SLC25A21: variants seen among roughly 807,000 people sequenced by gnomAD.
SLC25A21 encodes the protein solute carrier family 25 member 21.
A neutral mutation model predicts 43.8 loss-of-function variants in SLC25A21; 47 were observed. That is an observed-to-expected ratio of 1.07 (90% CI 0.85 to 1.37). SLC25A21 has a LOEUF of 1.37. Among genes scored for constraint, SLC25A21 ranks in the 40% most tolerant of loss-of-function variants. The pLI, the probability that SLC25A21 is intolerant of heterozygous loss-of-function variation, is 0.00. For synonymous variants in SLC25A21, 131 were observed against 121.3 expected, an observed-to-expected ratio of 1.08 and a Z score of -0.52; for missense variants, 352 against 350.2, an observed-to-expected ratio of 1.00 and a Z score of -0.04.
chr14:37,105,178 T>C (rs963287485), intron 1 of SLC25A21, among the ~76,000 whole-genome samples: 3 of 152,184 alleles, frequency 2.0e-5, no homozygotes, highest in Admixed American at 2.0e-4. Context: ...TATAAACAAG[T>C]GTTTTTATCT....
rs577150838 is a variant in SLC25A21 at position 36,678,089 on chromosome 14, G to A, written c.*2569C>T. 1.6e-5 allele frequency: 3 copies of A among 184,726 alleles called. No homozygotes were observed. Among genetic ancestry groups the A allele is most frequent in the Non-Finnish European group, 3.4e-5 (3 of 89,076 alleles). 11.4% of individuals were successfully genotyped at this position (184,726 alleles called of 1,614,324 possible). ...CAATAACTAAAAGAGCACCTCACTGGATATGGATGTTGAAGATGGATTCCC... is the reference window on the plus strand; with the variant it reads ...CAATAACTAAAAGAGCACCTCACTGAATATGGATGTTGAAGATGGATTCCC... On this transcript the variant is annotated 3_prime_UTR_variant, in exon 10 of 10. Transcript: ENST00000331299.
chr14:36,895,977 G>C (rs1891227191), intron 1 of SLC25A21, among the ~76,000 whole-genome samples: 1 of 152,168 alleles, frequency 6.6e-6, no homozygotes, highest in African/African-American at 2.4e-5. Flanking sequence ...GTCAATTTTG[G>C]AATAGGTGTG....
Position 36,680,584 on chromosome 14 carries a change from G to C in SLC25A21, c.*74C>G, listed in dbSNP as rs540197690. ...TTCATAATTATACACCTGGCCGATC[G>C]ATAGTCTCTCTTCTTCATGGTGCTG... On this transcript the variant is annotated 3_prime_UTR_variant, in exon 10 of 10. Coordinates refer to ENST00000331299, the MANE Select transcript of SLC25A21 (RefSeq NM_030631.4). The C allele has an allele frequency of 1.3e-6, 2 of 1,530,106 alleles. No individual in the cohort carries two copies. The highest frequency in any genetic ancestry group is 8.8e-7 in the Non-Finnish European group (1 of 1,137,006). The allele number at this position is 1,530,106 out of a possible 1,614,324, so 94.8% of individuals were successfully genotyped here. A position where few individuals can be genotyped will look rare whatever the true frequency, so the allele number is the denominator to read the frequency against.
chr14:36,862,113 C>T (rs1594648498), intron 2 of SLC25A21, among the ~76,000 whole-genome samples: 1 of 152,258 alleles, frequency 6.6e-6, no homozygotes, highest in African/African-American at 2.4e-5. Flanking sequence ...GGAAACAACA[C>T]ATGCTGGAGA....
chr14:36,912,591 A>G (rs922585628), intron 1 of SLC25A21, among the ~76,000 whole-genome samples: 12 of 152,212 alleles, frequency 7.9e-5, no homozygotes, highest in Middle Eastern at 3.2e-3. Context: ...ATGTCAACTG[A>G]TAGAGTACAA....
At position 36,958,662 on chromosome 14, in the gene SLC25A21, TACACATAAGCACACGTGCACACACACAC is replaced by T. The variant is rs1182976812; in HGVS notation, c.71-83686_71-83659del. Among the ~76,000 whole-genome samples the T allele has an allele frequency of 1.1e-3, 164 of 147,608 alleles. 1 individual carries two copies. The highest frequency in any genetic ancestry group is 3.9e-3 in the African/African-American group (153 of 39,378). On this transcript the variant is annotated intron_variant, in intron 1 of 9. Transcript: ENST00000331299. ...GCTCACATACATGTGTGTAGAGATG[TACACATAAGCACACGTGCACACACACAC>T]ACACACACACACACACACACACACA...
At chr14:36,756,560 G>A (rs377007958) in intron 3 of SLC25A21, among the ~76,000 whole-genome samples, 3 of 152,178 alleles carry the variant, frequency 2.0e-5, no homozygotes, top group East Asian at 1.9e-4. Flanking sequence ...AAATTCGGGC[G>A]GTCTTTCTTG....
intron 1 of SLC25A21, among the ~76,000 whole-genome samples, chr14:37,132,483 A>G (rs1327712951): frequency 2.6e-5 from 4 of 152,208 alleles, no homozygotes; most frequent in Non-Finnish European, 5.9e-5. Context: ...ATAGACACAG[A>G]TGAGGTAAAA....
chr14:37,069,394 T>A (rs1962127853), intron 1 of SLC25A21, among the ~76,000 whole-genome samples: 1 of 152,212 alleles, frequency 6.6e-6, no homozygotes, highest in Non-Finnish European at 1.5e-5. Context: ...CTCATGATAT[T>A]TATGTCTCTA....
intron 1 of SLC25A21, among the ~76,000 whole-genome samples, chr14:37,031,161 A>G (rs999606396): frequency 2.6e-5 from 4 of 152,228 alleles, no homozygotes; most frequent in African/African-American, 9.6e-5. Context: ...GAAACTTTGT[A>G]TAGAGACAAG....
At chr14:36,814,386 C>T (rs1319018376) in intron 2 of SLC25A21, among the ~76,000 whole-genome samples, 1 of 113,376 alleles carries the variant, frequency 8.8e-6, no homozygotes, top group Non-Finnish European at 1.9e-5. Flanking sequence ...TATAAGTCTT[C>T]CTTGATGGCA....
At chr14:36,832,286 A>T (rs1889066725) in intron 2 of SLC25A21, among the ~76,000 whole-genome samples, 1 of 152,084 alleles carries the variant, frequency 6.6e-6, no homozygotes, top group Admixed American at 6.6e-5. Context: ...CATTATAATG[A>T]GTTATGAGTT....
At chr14:37,023,811 C>T (rs898848422) in intron 1 of SLC25A21, among the ~76,000 whole-genome samples, 7 of 151,984 alleles carry the variant, frequency 4.6e-5, no homozygotes, top group Non-Finnish European at 8.8e-5. Flanking sequence ...CTGCCTCTCT[C>T]CTGCACCGAG....
intron 3 of SLC25A21, among the ~76,000 whole-genome samples, chr14:36,773,380 G>A (rs765393236): frequency 2.0e-5 from 3 of 152,150 alleles, no homozygotes; most frequent in Non-Finnish European, 4.4e-5. Context: ...GCTTATAACT[G>A]ATAAGCCACA....
chr14:36,679,805 G>A lies in SLC25A21; in HGVS notation c.*853C>T. On this transcript the variant is annotated 3_prime_UTR_variant, in exon 10 of 10. Transcript: ENST00000331299. Reference sequence around the variant, plus strand: ...TGATGGCTGACAAATGGGTCCAAAGGTGTTTCCAATTTGTGATTTAACATG... The same window carrying A: ...TGATGGCTGACAAATGGGTCCAAAGATGTTTCCAATTTGTGATTTAACATG... 1 of 985,132 alleles carries A rather than the reference G, an allele frequency of 1.0e-6. No individual in the cohort carries two copies. Among genetic ancestry groups the A allele is most frequent in the Non-Finnish European group, 1.2e-6 (1 of 829,702 alleles). 61.0% of individuals were successfully genotyped at this position (985,132 alleles called of 1,614,324 possible). A position where few individuals can be genotyped will look rare whatever the true frequency, so the allele number is the denominator to read the frequency against.
At chr14:36,686,052 C>G (rs1882525454) in intron 7 of SLC25A21, among the ~76,000 whole-genome samples, 1 of 152,144 alleles carries the variant, frequency 6.6e-6, no homozygotes, top group Non-Finnish European at 1.5e-5. Context: ...GGAAGCATAC[C>G]ATGCTTCAGT....
chr14:36,716,593 A>G (rs1318070810), intron 6 of SLC25A21, among the ~76,000 whole-genome samples: 2 of 152,210 alleles, frequency 1.3e-5, no homozygotes, highest in East Asian at 3.8e-4. Flanking sequence ...CTTGGTGTAA[A>G]TGAAGCTCCC....
intron 3 of SLC25A21, among the ~76,000 whole-genome samples, chr14:36,764,079 A>AGAAAGAAAGAAGGAAG (rs1555326615): frequency 4.8e-5 from 2 of 41,866 alleles, no homozygotes; most frequent in South Asian, 9.5e-4. Context: ...AAAGAAAGAA[A>AGAAAGAAAGAAGGAAG]GAAGGAAGGA....
chr14:37,127,164 G>A (rs896294623), intron 1 of SLC25A21, among the ~76,000 whole-genome samples: 13 of 152,052 alleles, frequency 8.5e-5, no homozygotes, highest in African/African-American at 2.9e-4. Context: ...TAACAACCAG[G>A]CCCCAAGCAT....
Sources: allele counts gnomAD v4.1 joint callset (sites outside exome capture counted in the v4.1 genomes callset), GRCh38; gene constraint gnomAD v4.1.1; transcripts MANE v1.5; gene names NCBI Gene and HGNC (gene_info 2026-07-23, HGNC 2026-07-21).